The following MAPKAP1 variants were observed in gnomAD, a reference collection of about 807,000 sequenced individuals.
MAPKAP1 encodes MAPK associated protein 1, also known as target of rapamycin complex 2 subunit MAPKAP1.
MAPKAP1 carries 20 observed loss-of-function variants against 65.7 expected under a neutral mutation model. That is an observed-to-expected ratio of 0.30 (90% CI 0.21 to 0.44). MAPKAP1 has a LOEUF of 0.44. Ranked by LOEUF, MAPKAP1 falls within the 20% of genes least tolerant of loss-of-function variation. The probability of loss-of-function intolerance (pLI) is 1.00; values close to 1 mark genes in which losing one functional copy is unlikely to be tolerated. For missense variants in MAPKAP1, 423 were observed against 648.0 expected (o/e 0.65, Z 3.77); for synonymous variants, 222 against 244.3 (o/e 0.91, Z 0.85).
intron 4 of MAPKAP1, among the ~76,000 whole-genome samples, chr9:125,590,310 G>A (rs2131588460): frequency 1.3e-5 from 2 of 152,320 alleles, no homozygotes; most frequent in East Asian, 3.9e-4. Context: ...ATGAGGCCAA[G>A]AACGGGTACT....
At chr9:125,593,034 C>G (rs977432452) in intron 4 of MAPKAP1, among the ~76,000 whole-genome samples, 1 of 146,240 alleles carries the variant, frequency 6.8e-6, no homozygotes, top group Non-Finnish European at 1.5e-5. Flanking sequence ...TGGTGGCTCA[C>G]ACCTACAATC....
chr9:125,693,622 T>TATATACACATATACACACAC (rs1835256915), intron 1 of MAPKAP1, among the ~76,000 whole-genome samples: 18 of 144,366 alleles, frequency 1.2e-4, no homozygotes, highest in Admixed American at 7.5e-4. Flanking sequence ...TATACACACA[T>TATATACACATATACACACAC]ATATACACAT....
chr9:125,620,295 G>A (rs1341155084), intron 4 of MAPKAP1, among the ~76,000 whole-genome samples: 5 of 149,540 alleles, frequency 3.3e-5, no homozygotes, highest in African/African-American at 4.9e-5. Context: ...ATGACAGAGC[G>A]AAAAAAAAAA....
chr9:125,519,603 T>C (rs974892734), intron 7 of MAPKAP1, among the ~76,000 whole-genome samples: 1 of 150,912 alleles, frequency 6.6e-6, no homozygotes, highest in African/African-American at 2.4e-5. Flanking sequence ...CACTCCATCC[T>C]GGATGACAAA....
At chr9:125,512,003 C>T (rs1374296804) in intron 7 of MAPKAP1, among the ~76,000 whole-genome samples, 1 of 152,174 alleles carries the variant, frequency 6.6e-6, no homozygotes, top group Non-Finnish European at 1.5e-5. Flanking sequence ...AGTTATAATA[C>T]CCAGGCAGGA....
chr9:125,677,645 G>A (rs1406320852), intron 1 of MAPKAP1, among the ~76,000 whole-genome samples: 2 of 152,088 alleles, frequency 1.3e-5, no homozygotes, highest in African/African-American at 4.8e-5. Context: ...GCAGTGAGCC[G>A]AAATTGCCAC....
At chr9:125,679,700 A>G (rs1834764435) in intron 1 of MAPKAP1, among the ~76,000 whole-genome samples, 1 of 152,198 alleles carries the variant, frequency 6.6e-6, no homozygotes, top group Non-Finnish European at 1.5e-5. Flanking sequence ...ACAAGCAAAC[A>G]AGCCCACCCT....
intron 1 of MAPKAP1, among the ~76,000 whole-genome samples, chr9:125,687,881 T>G (rs900684753): frequency 2.0e-5 from 3 of 152,244 alleles, no homozygotes; most frequent in Non-Finnish European, 4.4e-5. Flanking sequence ...CTATATCTTT[T>G]TGGAAGGAAA....
intron 3 of MAPKAP1, among the ~76,000 whole-genome samples, chr9:125,659,459 T>A (rs1007808728): frequency 6.6e-6 from 1 of 152,190 alleles, no homozygotes; most frequent in African/African-American, 2.4e-5. Context: ...TCCTCCTTTG[T>A]CGAGGCTTGG....
chr9:125,592,977 CAAAAAAAAAA>C (rs1008839815), intron 4 of MAPKAP1, among the ~76,000 whole-genome samples: 1 of 115,584 alleles, frequency 8.7e-6, no homozygotes, highest in Non-Finnish European at 1.8e-5. Context: ...AAATATAACT[CAAAAAAAAAA>C]AAAGAAAAAA....
At chr9:125,531,821 G>C (rs773346725) in intron 7 of MAPKAP1, among the ~76,000 whole-genome samples, 9 of 152,064 alleles carry the variant, frequency 5.9e-5, no homozygotes, top group Non-Finnish European at 1.5e-5. Context: ...AAATCAAGGA[G>C]GAGACATTAC....
intron 3 of MAPKAP1, 134 bp from the exon 4 acceptor site, chr9:125,657,933 G>T: frequency 2.5e-6 from 2 of 788,346 alleles, no homozygotes; most frequent in Non-Finnish European, 2.0e-6. Context: ...CATGCAGAAA[G>T]CCCCACAATA....
At chr9:125,535,597 C>G (rs925684647) in intron 7 of MAPKAP1, among the ~76,000 whole-genome samples, 2 of 152,098 alleles carry the variant, frequency 1.3e-5, no homozygotes, top group Non-Finnish European at 2.9e-5. Context: ...TCAGCCTCTC[C>G]CATGTTAGAG....
chr9:125,485,418 G>T (rs1051875439), intron 8 of MAPKAP1, among the ~76,000 whole-genome samples: 1 of 152,200 alleles, frequency 6.6e-6, no homozygotes, highest in Non-Finnish European at 1.5e-5. Flanking sequence ...TAAGAAGCCT[G>T]GTGCTCAAAA....
intron 7 of MAPKAP1, among the ~76,000 whole-genome samples, chr9:125,536,498 T>C (rs1368572747): frequency 6.6e-6 from 1 of 152,246 alleles, no homozygotes; most frequent in African/African-American, 2.4e-5. Context: ...ATCAGCATGA[T>C]TACTTATTCT....
At chr9:125,587,861 G>T (rs898102578) in intron 4 of MAPKAP1, among the ~76,000 whole-genome samples, 1 of 151,996 alleles carries the variant, frequency 6.6e-6, no homozygotes, top group African/African-American at 2.4e-5. Flanking sequence ...CACTAGGGTG[G>T]CTATAATTTA....
intron 10 of MAPKAP1, among the ~76,000 whole-genome samples, chr9:125,454,796 A>G (rs943492943): frequency 3.3e-5 from 5 of 152,164 alleles, no homozygotes; most frequent in African/African-American, 9.7e-5. Flanking sequence ...TCCTTTAGGA[A>G]GAGAAACCAG....
intron 4 of MAPKAP1, among the ~76,000 whole-genome samples, chr9:125,655,908 G>C (rs534139210): frequency 1.3e-5 from 2 of 152,150 alleles, no homozygotes; most frequent in Non-Finnish European, 2.9e-5. Context: ...ATTCCTTTGT[G>C]ACTAAGGAGA....
At chr9:125,556,871 C>T (rs1037230246) in intron 6 of MAPKAP1, among the ~76,000 whole-genome samples, 2 of 152,158 alleles carry the variant, frequency 1.3e-5, no homozygotes, top group African/African-American at 2.4e-5. Flanking sequence ...ACAGGGCAAA[C>T]GGTCAGTAAT....
Sources: allele counts gnomAD v4.1 joint callset (sites outside exome capture counted in the v4.1 genomes callset), GRCh38; gene constraint gnomAD v4.1.1; transcripts MANE v1.5; gene names NCBI Gene and HGNC (gene_info 2026-07-23, HGNC 2026-07-21).